SPRED2: variants seen among roughly 807,000 people sequenced by gnomAD.
SPRED2 encodes sprouty-related, EVH1 domain-containing protein 2.
In SPRED2, 47 loss-of-function variants were observed where a neutral mutation model predicts 43.0. The ratio of observed to expected loss-of-function variants is 1.09; its 90% CI spans 0.87 to 1.40. The LOEUF is 1.40. Among genes scored for constraint, SPRED2 ranks in the 40% most tolerant of loss-of-function variants. SPRED2 has a pLI of 0.00. For missense variants in SPRED2, 561 were observed against 586.4 expected, an observed-to-expected ratio of 0.96 and a Z score of 0.45; for synonymous variants, 225 against 225.7, an observed-to-expected ratio of 1.00 and a Z score of 0.03.
At chr2:65,308,295 G>A (rs982740083), downstream of SPRED2, 15 of 985,170 alleles carry the variant, frequency 1.5e-5, no homozygotes, top group Admixed American at 6.2e-5. Flanking sequence ...CGGCAAAACC[G>A]CTCCCACAGA....
chr2:65,428,641 A>G (rs1472386082), intron 1 of SPRED2, among the ~76,000 whole-genome samples: 1 of 152,264 alleles, frequency 6.6e-6, no homozygotes, highest in Non-Finnish European at 1.5e-5. Context: ...AATGGGAAAC[A>G]TTTCAACGTT....
At chr2:65,321,318 C>T (rs1673402205) in intron 4 of SPRED2, among the ~76,000 whole-genome samples, 1 of 151,926 alleles carries the variant, frequency 6.6e-6, no homozygotes, top group South Asian at 2.1e-4. Flanking sequence ...TGCAAATGTA[C>T]CCTCTAAAAA....
chr2:65,429,894 G>C (rs551393386), intron 1 of SPRED2, among the ~76,000 whole-genome samples: 2 of 152,316 alleles, frequency 1.3e-5, no homozygotes, highest in African/African-American at 2.4e-5. Context: ...CTGAAATGGA[G>C]CTATTCTTTC....
intron 4 of SPRED2, among the ~76,000 whole-genome samples, chr2:65,319,163 G>A (rs913758470): frequency 3.3e-5 from 5 of 152,140 alleles, no homozygotes; most frequent in African/African-American, 1.2e-4. Context: ...GTCCACATGT[G>A]CAGCATCCCT....
intron 1 of SPRED2, among the ~76,000 whole-genome samples, chr2:65,396,362 C>A (rs1675757189): frequency 6.6e-6 from 1 of 152,204 alleles, no homozygotes; most frequent in Admixed American, 6.5e-5. Flanking sequence ...CCACCAAATA[C>A]CTACGGCGCA....
chr2:65,430,662 C>G (rs985142839), intron 1 of SPRED2, among the ~76,000 whole-genome samples: 11 of 152,164 alleles, frequency 7.2e-5, no homozygotes, highest in Non-Finnish European at 1.5e-4. Flanking sequence ...AGCCCACACT[C>G]CCCTGCAAAG....
chr2:65,323,169 A>T (rs1673484635), intron 4 of SPRED2, among the ~76,000 whole-genome samples: 1 of 151,998 alleles, frequency 6.6e-6, no homozygotes, highest in Admixed American at 6.6e-5. Context: ...AATTTTTTAT[A>T]TTTTTAGTAG....
intron 1 of SPRED2, among the ~76,000 whole-genome samples, chr2:65,357,474 A>C (rs1481767794): frequency 6.6e-6 from 1 of 152,242 alleles, no homozygotes; most frequent in East Asian, 1.9e-4. Flanking sequence ...GACTTGTTCA[A>C]GGTCACTGAC....
At chr2:65,324,692 C>A (rs568571582) in intron 4 of SPRED2, among the ~76,000 whole-genome samples, 8 of 152,206 alleles carry the variant, frequency 5.3e-5, no homozygotes, top group African/African-American at 1.9e-4. Flanking sequence ...ACCTCTCTGA[C>A]CAAGGGAAGC....
intron 2 of SPRED2, among the ~76,000 whole-genome samples, chr2:65,341,247 A>G (rs1674175709): frequency 6.6e-6 from 1 of 151,948 alleles, no homozygotes; most frequent in African/African-American, 2.4e-5. Flanking sequence ...AGAGACAGAG[A>G]AGTACAGCAG....
chr2:65,421,784 A>C (rs1183449635), intron 1 of SPRED2, among the ~76,000 whole-genome samples: 2 of 152,198 alleles, frequency 1.3e-5, no homozygotes, highest in African/African-American at 4.8e-5. Flanking sequence ...CAGGATTCTA[A>C]ATGAGTTCTA....
intron 1 of SPRED2, among the ~76,000 whole-genome samples, chr2:65,382,681 ATT>A (rs1438433397): frequency 2.0e-5 from 3 of 152,240 alleles, no homozygotes; most frequent in Admixed American, 2.0e-4. Flanking sequence ...TATCTAAAAT[ATT>A]TGTTTCCACA....
At chr2:65,347,634 A>G (rs994255448) in intron 1 of SPRED2, among the ~76,000 whole-genome samples, 1 of 152,100 alleles carries the variant, frequency 6.6e-6, no homozygotes, top group African/African-American at 2.4e-5. Flanking sequence ...GATTCAAGCT[A>G]GGGCCAACTT....
chr2:65,390,678 C>T (rs1487836128), intron 1 of SPRED2, among the ~76,000 whole-genome samples: 1 of 152,106 alleles, frequency 6.6e-6, no homozygotes, highest in African/African-American at 2.4e-5. Flanking sequence ...AACTGTGAAC[C>T]ACCAAAAGCA....
Position 65,317,238 on chromosome 2 carries a change from C to G in SPRED2, c.439-355G>C, listed in dbSNP as rs140526825. ...ATCAAGAATGGTTACCCTGGCCAGG[C>G]GCGGGGGCTCATGCCTGTAATCCCA... On this transcript the variant is annotated intron_variant, in intron 4 of 5. Coordinates refer to ENST00000356388, the MANE Select transcript of SPRED2 (RefSeq NM_181784.3). 4.2e-3 allele frequency among the ~76,000 whole-genome samples: 637 copies of G among 152,228 alleles called. 3 individuals are homozygous for G. The highest frequency in any genetic ancestry group is 0.015 in the African/African-American group (615 of 41,540).
intron 1 of SPRED2, among the ~76,000 whole-genome samples, chr2:65,396,434 G>C (rs1409497470): frequency 6.6e-6 from 1 of 152,170 alleles, no homozygotes; most frequent in Admixed American, 6.5e-5. Flanking sequence ...TCCTACACTT[G>C]ACTGACAACA....
intron 1 of SPRED2, among the ~76,000 whole-genome samples, chr2:65,401,973 A>ACACACACACC (rs770117392): frequency 2.0e-4 from 29 of 148,468 alleles, no homozygotes; most frequent in Non-Finnish European, 2.5e-4. Context: ...ACACACACAC[A>ACACACACACC]CCTGTTAATT....
chr2:65,343,810 G>T (rs569687257), intron 2 of SPRED2, among the ~76,000 whole-genome samples: 26 of 152,174 alleles, frequency 1.7e-4, no homozygotes, highest in Non-Finnish European at 2.6e-4. Flanking sequence ...GGGAGGTGAT[G>T]ATTACTTTCC....
chr2:65,322,097 T>A (rs1285027344), intron 4 of SPRED2, among the ~76,000 whole-genome samples: 2 of 151,818 alleles, frequency 1.3e-5, no homozygotes, highest in Non-Finnish European at 2.9e-5. Flanking sequence ...TTTTAAACTG[T>A]GACTGCTGGT....
Sources: allele counts gnomAD v4.1 joint callset (sites outside exome capture counted in the v4.1 genomes callset), GRCh38; gene constraint gnomAD v4.1.1; transcripts MANE v1.5; gene names NCBI Gene and HGNC (gene_info 2026-07-23, HGNC 2026-07-21).